The following THAP4 variants were observed in gnomAD, a reference collection of about 807,000 sequenced individuals.
THAP4 encodes peroxynitrite isomerase THAP4.
Under a neutral mutation model 48.1 loss-of-function variants are expected in THAP4, and 18 were observed. The observed-to-expected ratio is 0.37, with a 90% CI of 0.26 to 0.56. THAP4 has a LOEUF of 0.56. Among genes scored for constraint, THAP4 ranks in the 20% least tolerant of loss-of-function variants. The pLI, the probability that THAP4 is intolerant of heterozygous loss-of-function variation, is 0.78. For missense variants in THAP4, 656 were observed against 774.9 expected, an observed-to-expected ratio of 0.85 and a Z score of 1.82; for synonymous variants, 345 against 324.9, an observed-to-expected ratio of 1.06 and a Z score of -0.66.
At chr2:241,608,680 A>C (rs2067221485) in intron 2 of THAP4, among the ~76,000 whole-genome samples, 1 of 152,252 alleles carries the variant, frequency 6.6e-6, no homozygotes, top group Non-Finnish European at 1.5e-5. Flanking sequence ...CTGACGGAAC[A>C]GTCATACATC....
intron 2 of THAP4, among the ~76,000 whole-genome samples, chr2:241,611,971 C>T (rs147921243): frequency 0.023 from 3,564 of 152,202 alleles, 202 homozygotes; most frequent in East Asian, 0.19. Flanking sequence ...GGCATGAATA[C>T]GGTTCACTGC....
intron 5 of THAP4, among the ~76,000 whole-genome samples, chr2:241,593,913 T>A (rs1453571355): frequency 1.3e-5 from 2 of 152,176 alleles, no homozygotes; most frequent in Non-Finnish European, 2.9e-5. Context: ...CTTGAACTCC[T>A]GGGCTCAAGT....
intron 2 of THAP4, among the ~76,000 whole-genome samples, chr2:241,627,384 C>G (rs1559234003): frequency 6.6e-6 from 1 of 152,224 alleles, no homozygotes; most frequent in Non-Finnish European, 1.5e-5. Context: ...CTTACTGTAT[C>G]AAGAACGTTT....
At chr2:241,611,350 G>A (rs527294875) in intron 2 of THAP4, among the ~76,000 whole-genome samples, 86 of 152,312 alleles carry the variant, frequency 5.6e-4, no homozygotes, top group African/African-American at 1.8e-3. Flanking sequence ...GTTCGCCCAG[G>A]TGCTGAAGGC....
chr2:241,632,878 C>G (rs1391306493), intron 2 of THAP4, 39 bp downstream of exon 2: 4 of 1,485,500 alleles, frequency 2.7e-6, no homozygotes, highest in African/African-American at 2.8e-5. Context: ...CCCCTCCTAA[C>G]GGGAAGGGAA....
chr2:241,635,912 G>T (rs994352187), intron 1 of THAP4, among the ~76,000 whole-genome samples: 1 of 152,174 alleles, frequency 6.6e-6, no homozygotes, highest in African/African-American at 2.4e-5. Context: ...GCCGTTCTAA[G>T]CAACAGGACC....
At chr2:241,600,688 A>G (rs1192574737) in intron 5 of THAP4, among the ~76,000 whole-genome samples, 3 of 147,616 alleles carry the variant, frequency 2.0e-5, no homozygotes, top group African/African-American at 7.6e-5. Context: ...AGATTGCTCC[A>G]CTGCACTCCA....
intron 5 of THAP4, among the ~76,000 whole-genome samples, chr2:241,599,860 A>G (rs1397392425): frequency 6.6e-6 from 1 of 152,204 alleles, no homozygotes; most frequent in Non-Finnish European, 1.5e-5. Context: ...CATGTAATAT[A>G]CAGCTGTGAG....
rs1301843756 is a variant in THAP4, at chr2:241,637,060, C to CCGCA, written c.-44_-43insTGCG. On this transcript the variant is annotated 5_prime_UTR_variant, in exon 1 of 6. Transcript: ENST00000407315. ...CCGCGCAGCCAGGCCCCGGCCCTAGCCGCCCGCCCGCCCGCGGACCGCCCC... is the reference window on the plus strand; with the variant it reads ...CCGCGCAGCCAGGCCCCGGCCCTAGCCGCACGCCCGCCCGCCCGCGGACCGCCCC... 9.9e-6 allele frequency: 11 copies of CCGCA among 1,106,166 alleles called. No individual in the cohort carries two copies. The highest frequency in any genetic ancestry group is 1.2e-5 in the Non-Finnish European group (11 of 901,336). The allele number at this position is 1,106,166 out of a possible 1,614,324, so 68.5% of individuals were successfully genotyped here. A position where few individuals can be genotyped will look rare whatever the true frequency, so the allele number is the denominator to read the frequency against.
intron 5 of THAP4, among the ~76,000 whole-genome samples, chr2:241,589,037 C>G (rs940150982): frequency 9.2e-5 from 14 of 151,972 alleles, no homozygotes; most frequent in Non-Finnish European, 5.9e-5. Context: ...CATGGTGAAA[C>G]CCCGTCTTTA....
rs187763258 is a variant in THAP4 at position 241,592,393 on chromosome 2, T to G, written c.1615-7668A>C. 3 of 152,368 alleles carry G rather than the reference T, an allele frequency of 2.0e-5. No individual in the cohort carries two copies. The East Asian group carries it at 5.8e-4, about 29-fold the overall frequency. The allele number at this position is 152,368 out of a possible 1,614,324, so 9.4% of individuals were successfully genotyped here. A position where few individuals can be genotyped will look rare whatever the true frequency, so the allele number is the denominator to read the frequency against. On this transcript the variant is annotated intron_variant, in intron 5 of 5. Transcript: ENST00000407315. ...CCCAAAAAGAGTCACACGAGCCTCTTCCAACACACTCAGTTCTCCCCTGGG... is the reference window on the plus strand; with the variant it reads ...CCCAAAAAGAGTCACACGAGCCTCTGCCAACACACTCAGTTCTCCCCTGGG...
intron 5 of THAP4, among the ~76,000 whole-genome samples, chr2:241,587,734 C>T (rs574387862): frequency 5.6e-4 from 85 of 151,564 alleles, no homozygotes; most frequent in Non-Finnish European, 1.1e-3. Context: ...TCTAAATAAC[C>T]CTGTTCAAAG....
At chr2:241,637,379 G>A (rs1249459329), upstream of THAP4, 3 of 1,399,616 alleles carry the variant, frequency 2.1e-6, no homozygotes, top group Admixed American at 2.3e-5. Flanking sequence ...TGGCTGCTCG[G>A]ACGGGGACAG....
chr2:241,611,547 A>C (rs2067276725), intron 2 of THAP4, among the ~76,000 whole-genome samples: 2 of 152,150 alleles, frequency 1.3e-5, no homozygotes, highest in Non-Finnish European at 2.9e-5. Flanking sequence ...ACATGGTGAA[A>C]TCCCATCTCT....
rs528016705 is a variant in THAP4 at position 241,606,271 on chromosome 2, G to A, written c.1400+43C>T. On this transcript the variant is annotated intron_variant, in intron 3 of 5. Transcript: ENST00000407315. ...TGGAATTATTTTCAGAGACCTAGGC[G>A]GCCCATGAGTCAAGCAGGGTGGGGT... The A allele has an allele frequency of 1.5e-4, 220 of 1,497,444 alleles. 5 individuals carry two copies. The South Asian group carries it at 2.6e-3, about 18-fold the overall frequency. 92.8% of individuals were successfully genotyped at this position (1,497,444 alleles called of 1,614,324 possible).
At chr2:241,605,760 G>A (rs2067175260) in intron 3 of THAP4, among the ~76,000 whole-genome samples, 1 of 151,706 alleles carries the variant, frequency 6.6e-6, no homozygotes, top group Non-Finnish European at 1.5e-5. Context: ...CTGTCACCCA[G>A]GCTGGAGTAC....
At chr2:241,615,933 G>A (rs2067336257) in intron 2 of THAP4, among the ~76,000 whole-genome samples, 1 of 152,184 alleles carries the variant, frequency 6.6e-6, no homozygotes. Flanking sequence ...GCTGGTTCTA[G>A]ACACAGGCCC....
At chr2:241,588,700 G>T (rs1466627362) in intron 5 of THAP4, among the ~76,000 whole-genome samples, 1 of 152,150 alleles carries the variant, frequency 6.6e-6, no homozygotes, top group South Asian at 2.1e-4. Flanking sequence ...TCAACAAATG[G>T]TGCTGGAAAC....
At chr2:241,615,731 T>C (rs1320082379) in intron 2 of THAP4, among the ~76,000 whole-genome samples, 1 of 152,252 alleles carries the variant, frequency 6.6e-6, no homozygotes, top group Non-Finnish European at 1.5e-5. Context: ...CACAGCGCCC[T>C]GCCCGGTGCC....
Sources: gnomAD v4.1 joint callset for allele counts (sites outside exome capture counted in the v4.1 genomes callset) on GRCh38, gnomAD v4.1.1 for gene constraint, MANE v1.5 for transcripts, NCBI Gene and HGNC (gene_info 2026-07-23, HGNC 2026-07-21) for gene names.